Variants in BCDIN3D observed in about 807,000 individuals in gnomAD.
BCDIN3D encodes the protein BCDIN3 domain containing RNA methyltransferase, also known as RNA 5'-monophosphate methyltransferase.
BCDIN3D carries 15 observed loss-of-function variants against 21.2 expected under a neutral mutation model. That is an observed-to-expected ratio of 0.71 (90% CI 0.47 to 1.09). The LOEUF (loss-of-function observed/expected upper bound fraction) is 1.09, where lower values mean the gene tolerates loss of function less well. Among genes scored for constraint, BCDIN3D ranks in the 50% least tolerant of loss-of-function variants. The probability of loss-of-function intolerance (pLI) is 0.00; values close to 1 mark genes in which losing one functional copy is unlikely to be tolerated. For missense variants in BCDIN3D, 331 were observed against 366.2 expected (o/e 0.90, Z 0.79); for synonymous variants, 127 against 141.9 (o/e 0.90, Z 0.75).
At position 49,838,882 on chromosome 12, in the gene BCDIN3D, C is replaced by G. The variant is rs1251378737; in HGVS notation, c.368G>C (p.Cys123Ser). ...AAAAGTCAAGGCATCAGGAAAAGGACATTCTTTTTCGGCTCGCTTCACCAG... is the reference window on the plus strand; with the variant it reads ...AAAAGTCAAGGCATCAGGAAAAGGAGATTCTTTTTCGGCTCGCTTCACCAG... ...PVLVKRAEKE[C>S]PFPDALTFIT... Residue 123 changes from cysteine to serine, a missense_variant, in exon 2 of 2, where the codon TGT (cysteine) becomes TCT (serine). By Grantham distance (112) the Cys-to-Ser change is moderately radical. Coordinates refer to ENST00000333924, the MANE Select transcript of BCDIN3D (RefSeq NM_181708.3). 6.2e-7 allele frequency: 1 copy of G among 1,614,216 alleles called. No individual in the cohort carries two copies. The highest frequency in any genetic ancestry group is 2.2e-5 in the East Asian group (1 of 44,882).
rs1946525925 is a variant in BCDIN3D, at chr12:49,838,436, G to A, written c.814C>T (p.Pro272Ser). Residue 272 changes from proline (P) to serine (S), a missense_variant, in exon 2 of 2, where the codon CCA becomes TCA. Pro to Ser is a moderately conservative substitution (Grantham distance 74, BLOSUM62 -1). Transcript: ENST00000333924. ...TTTTCTATCAGTGATTCAGGGATTG[G>A]ATGAGTCTCTATGGTTTGTTTTGCC... Reference protein sequence around the residue: ...FRAKQTIETHPIPESLIEKGK... With the variant: ...FRAKQTIETHSIPESLIEKGK... 1.9e-6 allele frequency: 3 copies of A among 1,612,996 alleles called. No individual in the cohort carries two copies. Among genetic ancestry groups the A allele is most frequent in the Non-Finnish European group, 2.5e-6 (3 of 1,180,006 alleles).
Position 49,838,487 on chromosome 12 carries a change from A to G in BCDIN3D, c.763T>C (p.Trp255Arg). The G allele has an allele frequency of 6.2e-7, 1 of 1,614,128 alleles. No homozygotes were observed. Among genetic ancestry groups the G allele is most frequent in the Non-Finnish European group, 8.5e-7 (1 of 1,180,026 alleles). Residue 255 changes from tryptophan (W) to arginine (R), a missense_variant, in exon 2 of 2, where the codon TGG (tryptophan) becomes CGG (arginine). By Grantham distance (101) the Trp-to-Arg change is moderately radical. Coordinates refer to ENST00000333924, the MANE Select transcript of BCDIN3D (RefSeq NM_181708.3). ...CTGAAGAGCAGAAGGCTTCTGTCCC[A>G]ACTGGTGTTGCCAAAGCAACATATT... Reference protein sequence around the residue: ...ELICCFGNTSWDRSLLLFRAK... With the variant: ...ELICCFGNTSRDRSLLLFRAK...
rs1033695311 is a variant in BCDIN3D at position 49,836,888 on chromosome 12, C to T, written c.*1483G>A. ...AGGAAAGTGGTGTTATTTCGTTGTA[C>T]AGATGAGTAAACTGTGGCTGTAAGG... On this transcript the variant is annotated 3_prime_UTR_variant, in exon 2 of 2. Transcript: ENST00000333924. 2.0e-5 allele frequency: 3 copies of T among 152,154 alleles called. No homozygotes were observed. Among genetic ancestry groups the T allele is most frequent in the Non-Finnish European group, 2.9e-5 (2 of 68,038 alleles). 9.4% of individuals were successfully genotyped at this position (152,154 alleles called of 1,614,324 possible).
Position 49,838,998 on chromosome 12 carries a change from T to C in BCDIN3D, c.252A>G (p.Leu84=), listed in dbSNP as rs930003263. ...GCNSGDLSVA[L]YKHFLSLPDG... ...CAGGTAGGGAGAGGAAGTGTTTGTATAGAGCCACACTCAGATCCTAGAGGA... is the reference window on the plus strand; with the variant it reads ...CAGGTAGGGAGAGGAAGTGTTTGTACAGAGCCACACTCAGATCCTAGAGGA... The change falls in exon 2 of 2, where the codon CTA becomes CTG. Residue 84 remains leucine, a synonymous_variant. Coordinates refer to ENST00000333924, the MANE Select transcript of BCDIN3D (RefSeq NM_181708.3). 10 of 1,613,388 alleles carry C rather than the reference T, an allele frequency of 6.2e-6. No individual in the cohort carries two copies. Among genetic ancestry groups the C allele is most frequent in the African/African-American group, 4.0e-5 (3 of 74,874 alleles).
Position 49,837,273 on chromosome 12 carries a change from G to GGTTTT in BCDIN3D, c.*1097_*1098insAAAAC, listed in dbSNP as rs1555154101. On this transcript the variant is annotated 3_prime_UTR_variant, in exon 2 of 2. Transcript: ENST00000333924. ...GGGGACCATAAGCATGTAGGTAGTT[G>GGTTTT]TTTTTTTTTTTGTTTTTTTTTTTTT... 3.3e-5 allele frequency: 4 copies of GGTTTT among 122,778 alleles called. No individual in the cohort carries two copies. The highest frequency in any genetic ancestry group is 5.0e-4 in the East Asian group (2 of 4,012). The allele number at this position is 122,778 out of a possible 1,614,324, so 7.6% of individuals were successfully genotyped here.
chr12:49,842,219 A>G (rs1946557883), intron 1 of BCDIN3D, among the ~76,000 whole-genome samples: 1 of 152,154 alleles, frequency 6.6e-6, no homozygotes, highest in Non-Finnish European at 1.5e-5. Flanking sequence ...TAGCTGGACT[A>G]CAGGCGCCCG....
chr12:49,839,080 A>G, intron 1 of BCDIN3D, 65 bp from the exon 2 acceptor site: 1 of 1,503,572 alleles, frequency 6.7e-7, no homozygotes, highest in Non-Finnish European at 9.0e-7. Flanking sequence ...AGAAATCTGT[A>G]TCATTCTCCC....
chr12:49,841,412 T>C (rs937716384), intron 1 of BCDIN3D, among the ~76,000 whole-genome samples: 33 of 152,202 alleles, frequency 2.2e-4, no homozygotes, highest in Non-Finnish European at 4.4e-4. Context: ...AAAAGCATTT[T>C]TTAAAAACTG....
chr12:49,842,003 A>G (rs1946556222), intron 1 of BCDIN3D, among the ~76,000 whole-genome samples: 1 of 152,264 alleles, frequency 6.6e-6, no homozygotes, highest in East Asian at 1.9e-4. Context: ...GAAGAGTGGC[A>G]GTGCCGCCCT....
rs1265220808 is a variant in BCDIN3D at position 49,837,270 on chromosome 12, G to GTTGTTTTTTTTT, written c.*1089_*1100dup. 1.4e-5 allele frequency: 2 copies of GTTGTTTTTTTTT among 137,972 alleles called. No homozygotes were observed. The highest frequency in any genetic ancestry group is 3.1e-5 in the Non-Finnish European group (2 of 64,714). The allele number at this position is 137,972 out of a possible 1,614,324, so 8.5% of individuals were successfully genotyped here. A position where few individuals can be genotyped will look rare whatever the true frequency, so the allele number is the denominator to read the frequency against. On this transcript the variant is annotated 3_prime_UTR_variant, in exon 2 of 2. Transcript: ENST00000333924. Reference sequence around the variant, plus strand: ...TTTGGGGACCATAAGCATGTAGGTAGTTGTTTTTTTTTTTGTTTTTTTTTT... The same window carrying GTTGTTTTTTTTT: ...TTTGGGGACCATAAGCATGTAGGTAGTTGTTTTTTTTTTTGTTTTTTTTTTTGTTTTTTTTTT...
chr12:49,839,654 A>C (rs951181848), intron 1 of BCDIN3D: 4 of 151,922 alleles, frequency 2.6e-5, no homozygotes, highest in African/African-American at 9.7e-5. Context: ...CCACATTAGC[A>C]CCTTTTTTAC....
intron 1 of BCDIN3D, among the ~76,000 whole-genome samples, chr12:49,842,088 G>GT (rs1270728774): frequency 1.3e-5 from 2 of 152,176 alleles, no homozygotes. Context: ...TCACTGTTTT[G>GT]TTTTGTTTTT....
At chr12:49,841,484 CA>C (rs1162758811) in intron 1 of BCDIN3D, among the ~76,000 whole-genome samples, 1 of 152,172 alleles carries the variant, frequency 6.6e-6, no homozygotes, top group African/African-American at 2.4e-5. Flanking sequence ...AGTTAGCTGC[CA>C]ACTATGTCTT....
At position 49,838,283 on chromosome 12, in the gene BCDIN3D, C is replaced by T; in HGVS notation, c.*88G>A. On this transcript the variant is annotated 3_prime_UTR_variant, in exon 2 of 2. Coordinates refer to ENST00000333924, the MANE Select transcript of BCDIN3D (RefSeq NM_181708.3). ...AAGCTCCTGCCAGGTTTTGCGGCTG[C>T]CTGATTGTTAAGGAATTAAGGAGAA... is the stretch of plus-strand genomic sequence containing the variant. 1.4e-6 allele frequency: 2 copies of T among 1,399,918 alleles called. No homozygotes were observed. Among genetic ancestry groups the T allele is most frequent in the South Asian group, 1.4e-5 (1 of 71,392 alleles). The allele number at this position is 1,399,918 out of a possible 1,614,324, so 86.7% of individuals were successfully genotyped here.
chr12:49,840,818 G>A (rs957914034), intron 1 of BCDIN3D: 1 of 151,776 alleles, frequency 6.6e-6, no homozygotes, highest in Non-Finnish European at 1.5e-5. Context: ...CAGTTTTTTG[G>A]GTTTTTTGTT....
chr12:49,838,035 C>A lies in BCDIN3D; in HGVS notation c.*336G>T, dbSNP rs1946522472. Reference sequence around the variant, plus strand: ...AAGAAACCAGGTAGGATTCAGAGAGCCCAGGAACTGACATATTTTAAGACT... The same window carrying A: ...AAGAAACCAGGTAGGATTCAGAGAGACCAGGAACTGACATATTTTAAGACT... On this transcript the variant is annotated 3_prime_UTR_variant, in exon 2 of 2. Transcript: ENST00000333924. 1 of 183,378 alleles carries A rather than the reference C, an allele frequency of 5.5e-6. No individual in the cohort carries two copies. Among genetic ancestry groups the A allele is most frequent in the African/African-American group, 2.4e-5 (1 of 42,316 alleles). 11.4% of individuals were successfully genotyped at this position (183,378 alleles called of 1,614,324 possible).
intron 1 of BCDIN3D, chr12:49,842,457 G>A: frequency 4.4e-6 from 1 of 228,094 alleles, no homozygotes; most frequent in Non-Finnish European, 8.8e-6. Context: ...CTCAATATCA[G>A]GCATGATTCT....
chr12:49,841,437 C>T (rs1235417815), intron 1 of BCDIN3D, among the ~76,000 whole-genome samples: 1 of 152,170 alleles, frequency 6.6e-6, no homozygotes, highest in Admixed American at 6.5e-5. Context: ...ACAGAAAGCT[C>T]CATAAACGTA....
intron 1 of BCDIN3D, among the ~76,000 whole-genome samples, chr12:49,841,617 C>T (rs77610178): frequency 0.069 from 10,486 of 152,192 alleles, 413 homozygotes; most frequent in Middle Eastern, 0.11. Flanking sequence ...TCTGACTTCC[C>T]GTATCATCAC....
Sources: gnomAD v4.1 joint callset for allele counts (sites outside exome capture counted in the v4.1 genomes callset) on GRCh38, gnomAD v4.1.1 for gene constraint, MANE v1.5 for transcripts, NCBI Gene and HGNC (gene_info 2026-07-23, HGNC 2026-07-21) for gene names.